The following SSPN variants were observed in gnomAD, a reference collection of about 807,000 sequenced individuals.
SSPN encodes sarcospan, also known as K-ras oncogene-associated protein.
In SSPN, 15 loss-of-function variants were observed where a neutral mutation model predicts 19.1. The ratio of observed to expected loss-of-function variants is 0.78; its 90% CI spans 0.52 to 1.21. SSPN has a LOEUF of 1.21. Ranked by LOEUF, SSPN falls within the 50% of genes most tolerant of loss-of-function variation. The probability of loss-of-function intolerance (pLI) is 0.00; values close to 1 mark genes in which losing one functional copy is unlikely to be tolerated. For synonymous variants in SSPN, 147 were observed against 140.3 expected, an observed-to-expected ratio of 1.05 and a Z score of -0.34; for missense variants, 291 against 314.0, an observed-to-expected ratio of 0.93 and a Z score of 0.55.
intron 1 of SSPN, among the ~76,000 whole-genome samples, chr12:26,137,636 G>GTATGTATATATATATATA (rs1555175654): frequency 1.6e-4 from 5 of 31,376 alleles, no homozygotes; most frequent in South Asian, 2.3e-3. Context: ...GTGTGTGTAT[G>GTATGTATATATATATATA]TATATATATA....
intron 1 of SSPN, chr12:26,122,760 C>T (rs747145811): frequency 6.3e-7 from 1 of 1,593,774 alleles, no homozygotes; most frequent in Non-Finnish European, 8.5e-7. Flanking sequence ...GCCTTTCTCG[C>T]GGTCCGGCCG....
At chr12:26,225,876 T>C (rs1205326571) in intron 2 of SSPN, among the ~76,000 whole-genome samples, 1 of 150,840 alleles carries the variant, frequency 6.6e-6, no homozygotes, top group African/African-American at 2.4e-5. Context: ...ACCCTCATTT[T>C]CCCCCCAGAT....
rs1318767449 is a variant in SSPN at position 26,231,349 on chromosome 12, A to G, written c.*273A>G. 2.8e-6 allele frequency: 1 copy of G among 351,796 alleles called. No individual in the cohort carries two copies. Among genetic ancestry groups the G allele is most frequent in the African/African-American group, 2.1e-5 (1 of 46,876 alleles). 21.8% of individuals were successfully genotyped at this position (351,796 alleles called of 1,614,324 possible). A position where few individuals can be genotyped will look rare whatever the true frequency, so the allele number is the denominator to read the frequency against. ...AACAAGGAAAGAATGGCATAGATCT[A>G]TCTTTACAGTCTGGAGTTAATTCCT... is the stretch of plus-strand genomic sequence containing the variant. On this transcript the variant is annotated 3_prime_UTR_variant, in exon 3 of 3. Coordinates refer to ENST00000242729, the MANE Select transcript of SSPN (RefSeq NM_005086.5).
intron 1 of SSPN, among the ~76,000 whole-genome samples, chr12:26,170,687 G>T (rs1228567135): frequency 6.6e-6 from 1 of 152,144 alleles, no homozygotes; most frequent in East Asian, 1.9e-4. Context: ...GAGGAAATTT[G>T]CATTAATTCA....
intron 1 of SSPN, among the ~76,000 whole-genome samples, chr12:26,140,150 A>G (rs552303195): frequency 6.6e-6 from 1 of 152,144 alleles, no homozygotes; most frequent in Non-Finnish European, 1.5e-5. Flanking sequence ...TAGTTATTTC[A>G]TGAAATATAG....
intron 1 of SSPN, among the ~76,000 whole-genome samples, chr12:26,177,121 T>C (rs1944689253): frequency 6.6e-6 from 1 of 152,164 alleles, no homozygotes; most frequent in Non-Finnish European, 1.5e-5. Context: ...CAAAGCTGAA[T>C]GATTGAATGG....
chr12:26,226,032 A>T (rs1372947112), intron 2 of SSPN, among the ~76,000 whole-genome samples: 1 of 151,598 alleles, frequency 6.6e-6, no homozygotes, highest in Non-Finnish European at 1.5e-5. Flanking sequence ...CAGGTTGAGG[A>T]TTCCCCACTA....
chr12:26,126,393 ATTTACAT>A (rs1944364844), intron 1 of SSPN: 3 of 152,320 alleles, frequency 2.0e-5, no homozygotes, highest in Admixed American at 6.5e-5. Flanking sequence ...AGAGAGGGAT[ATTTACAT>A]TCTCCCCGGG....
chr12:26,199,771 T>G (rs571727149), intron 1 of SSPN, among the ~76,000 whole-genome samples: 2 of 152,258 alleles, frequency 1.3e-5, no homozygotes, highest in Non-Finnish European at 2.9e-5. Flanking sequence ...GGTTTTCCCT[T>G]CCTCATTCAG....
intron 1 of SSPN, chr12:26,181,307 C>G (rs1944717473): frequency 6.6e-6 from 1 of 152,082 alleles, no homozygotes; most frequent in South Asian, 2.1e-4. Flanking sequence ...CTGTCTTTAT[C>G]AGAATTCTGC....
At chr12:26,179,874 T>C (rs1258276518) in intron 1 of SSPN, 3 of 151,034 alleles carry the variant, frequency 2.0e-5, no homozygotes, top group East Asian at 3.9e-4. Flanking sequence ...CACTTGGTAA[T>C]TGAAACGCTC....
chr12:26,159,981 A>G (rs572243394), intron 1 of SSPN, among the ~76,000 whole-genome samples: 1 of 152,304 alleles, frequency 6.6e-6, no homozygotes, highest in Non-Finnish European at 1.5e-5. Context: ...TGGCTGTGAC[A>G]TCTGCCTCTT....
At chr12:26,184,662 A>G (rs6487537) in intron 1 of SSPN, among the ~76,000 whole-genome samples, 150,533 of 152,308 alleles carry the variant, frequency 0.99, 74,415 homozygotes, top group Middle Eastern at 1. Flanking sequence ...TGGTCTATAT[A>G]GTCAATATAT....
At chr12:26,220,927 C>G (rs79571191) in intron 1 of SSPN, among the ~76,000 whole-genome samples, 39,118 of 152,010 alleles carry the variant, frequency 0.26, 5,403 homozygotes, top group East Asian at 0.51. Context: ...TATCATTTCT[C>G]AGGTGAAGAA....
At chr12:26,177,738 T>C (rs1944693257) in intron 1 of SSPN, among the ~76,000 whole-genome samples, 1 of 152,124 alleles carries the variant, frequency 6.6e-6, no homozygotes, top group Admixed American at 6.5e-5. Context: ...AGATCCTAAG[T>C]GTCATATGAT....
At chr12:26,192,353 T>TGA (rs1188479722), upstream of SSPN, among the ~76,000 whole-genome samples, 1 of 152,196 alleles carries the variant, frequency 6.6e-6, no homozygotes, top group Admixed American at 6.5e-5. Context: ...TATAAAATAG[T>TGA]GACATCATAA....
rs568906881 is a variant in SSPN at position 26,122,104 on chromosome 12, G to A, written c.-79G>A. 234 of 1,549,808 alleles carry A rather than the reference G, an allele frequency of 1.5e-4. 2 individuals carry two copies. In the South Asian group the frequency reaches 1.9e-3, roughly 13 times the overall value. ...TTTCCTGGCTGCGAGGGATCTTCCT[G>A]AGCAGAGCTCTCCGGGTTCCCCGGC... On this transcript the variant is annotated 5_prime_UTR_variant, in exon 1 of 3. Transcript: ENST00000538142.
intron 1 of SSPN, among the ~76,000 whole-genome samples, chr12:26,200,605 A>G (rs1195558802): frequency 6.6e-6 from 1 of 152,218 alleles, no homozygotes; most frequent in Non-Finnish European, 1.5e-5. Context: ...AGTAACTGGA[A>G]GAGAGAAAGG....
intron 1 of SSPN, among the ~76,000 whole-genome samples, chr12:26,198,746 T>C (rs950165401): frequency 6.6e-6 from 1 of 152,184 alleles, no homozygotes; most frequent in Non-Finnish European, 1.5e-5. Flanking sequence ...TGGTATTTGA[T>C]TGGTCCAGTA....
Sources: allele counts gnomAD v4.1 joint callset (sites outside exome capture counted in the v4.1 genomes callset), GRCh38; gene constraint gnomAD v4.1.1; transcripts MANE v1.5; gene names NCBI Gene and HGNC (gene_info 2026-07-23, HGNC 2026-07-21).